PTPRN2: variants seen among roughly 807,000 people sequenced by gnomAD.
PTPRN2 encodes the protein protein tyrosine phosphatase receptor type N2, also known as receptor-type tyrosine-protein phosphatase N2.
PTPRN2 carries 74 observed loss-of-function variants against 118.8 expected under a neutral mutation model. The observed-to-expected ratio is 0.62, with a 90% CI of 0.52 to 0.76. The LOEUF (loss-of-function observed/expected upper bound fraction) is 0.76. Ranked by LOEUF, PTPRN2 falls within the 30% of genes least tolerant of loss-of-function variation. The pLI is 0.00. For missense variants in PTPRN2, 1,481 were observed against 1,394.4 expected, an observed-to-expected ratio of 1.06 and a Z score of -0.99; for synonymous variants, 641 against 608.0, an observed-to-expected ratio of 1.05 and a Z score of -0.80.
At chr7:157,562,711 CCCGCGTCA>C (rs1799254170) in intron 21 of PTPRN2, among the ~76,000 whole-genome samples, 1 of 148,590 alleles carries the variant, frequency 6.7e-6, no homozygotes, top group African/African-American at 2.5e-5. Flanking sequence ...ACCACATGCT[CCCGCGTCA>C]CCACACACAG....
intron 11 of PTPRN2, among the ~76,000 whole-genome samples, chr7:157,952,320 G>T (rs1800865835): frequency 6.6e-6 from 1 of 150,796 alleles, no homozygotes; most frequent in Non-Finnish European, 1.5e-5. Context: ...CTGGGGTAGT[G>T]TGCACGCCTG....
At chr7:157,988,718 T>C (rs1240285947) in intron 11 of PTPRN2, among the ~76,000 whole-genome samples, 2 of 152,158 alleles carry the variant, frequency 1.3e-5, no homozygotes, top group Admixed American at 6.5e-5. Context: ...GTCATGCACG[T>C]CCACACTTTC....
chr7:157,546,643 GT>G (rs1798333852), intron 22 of PTPRN2, among the ~76,000 whole-genome samples: 1 of 152,222 alleles, frequency 6.6e-6, no homozygotes, highest in African/African-American at 2.4e-5. Flanking sequence ...CTTCCATGGT[GT>G]ATATGTGCCA....
intron 11 of PTPRN2, among the ~76,000 whole-genome samples, chr7:157,980,593 C>T (rs1335868490): frequency 6.6e-6 from 1 of 152,020 alleles, no homozygotes; most frequent in Non-Finnish European, 1.5e-5. Context: ...TCTACTAAAA[C>T]TATAAAAATT....
intron 2 of PTPRN2, among the ~76,000 whole-genome samples, chr7:158,341,272 A>C (rs1347253938): frequency 2.6e-5 from 1 of 39,096 alleles, no homozygotes; most frequent in African/African-American, 6.3e-5. Context: ...ATTCACACCC[A>C]CACTCTCACC....
chr7:158,336,853 C>A (rs1231262055), intron 2 of PTPRN2, among the ~76,000 whole-genome samples: 1 of 103,988 alleles, frequency 9.6e-6, no homozygotes, highest in East Asian at 3.1e-4. Context: ...CCCACACTCT[C>A]ACCATAAGAG....
chr7:158,106,496 C>G (rs1815695791), intron 10 of PTPRN2, among the ~76,000 whole-genome samples: 1 of 152,222 alleles, frequency 6.6e-6, no homozygotes, highest in African/African-American at 2.4e-5. Flanking sequence ...CTCCGTGTAT[C>G]ATCTGGAAGA....
At chr7:158,264,397 G>A (rs184706815) in intron 3 of PTPRN2, among the ~76,000 whole-genome samples, 7 of 152,208 alleles carry the variant, frequency 4.6e-5, no homozygotes, top group Non-Finnish European at 1.0e-4. Flanking sequence ...CTCTTCCTGC[G>A]TGCTGGACAC....
chr7:157,951,607 G>T (rs939223395), intron 11 of PTPRN2, among the ~76,000 whole-genome samples: 4 of 152,226 alleles, frequency 2.6e-5, no homozygotes, highest in African/African-American at 9.6e-5. Flanking sequence ...GGGTGAAAAG[G>T]GAAACGCCTT....
chr7:158,407,263 G>C (rs13309521), intron 2 of PTPRN2, among the ~76,000 whole-genome samples: 557 of 29,188 alleles, frequency 0.019, 6 homozygotes, highest in African/African-American at 0.033. Context: ...CTGGGTCCTG[G>C]GTCCTGGGTC....
chr7:157,939,594 G>C (rs7795739), intron 11 of PTPRN2, among the ~76,000 whole-genome samples: 133,781 of 152,336 alleles, frequency 0.88, 58,858 homozygotes, highest in African/African-American at 0.9. Flanking sequence ...AACCCATAAT[G>C]TTGGGTTAGC....
intron 11 of PTPRN2, among the ~76,000 whole-genome samples, chr7:157,955,296 G>C (rs1801112652): frequency 1.3e-5 from 2 of 151,984 alleles, no homozygotes; most frequent in South Asian, 4.2e-4. Flanking sequence ...GTGGAGAAAA[G>C]CAATTCCAAG....
chr7:157,758,279 T>C (rs541027885), intron 12 of PTPRN2, among the ~76,000 whole-genome samples: 36 of 152,220 alleles, frequency 2.4e-4, no homozygotes, highest in Non-Finnish European at 3.7e-4. Context: ...TCCAGGCCTG[T>C]CCAGGCGCCA....
chr7:157,645,330 C>CT (rs748264218), intron 14 of PTPRN2, among the ~76,000 whole-genome samples: 1 of 152,198 alleles, frequency 6.6e-6, no homozygotes, highest in Non-Finnish European at 1.5e-5. Context: ...CCCTTCCCAC[C>CT]TACCAGCGGC....
chr7:157,570,404 G>T (rs1320845587), intron 20 of PTPRN2, among the ~76,000 whole-genome samples: 1 of 152,224 alleles, frequency 6.6e-6, no homozygotes, highest in Non-Finnish European at 1.5e-5. Flanking sequence ...TCATAGACAG[G>T]AATGCACACA....
intron 11 of PTPRN2, among the ~76,000 whole-genome samples, chr7:158,004,543 A>T (rs11531435): frequency 6.6e-6 from 1 of 152,102 alleles, no homozygotes; most frequent in Non-Finnish European, 1.5e-5. Context: ...GCTTGTTTAC[A>T]TTATATTTCT....
At chr7:158,516,710 G>T (rs1283549919) in intron 1 of PTPRN2, among the ~76,000 whole-genome samples, 1 of 151,556 alleles carries the variant, frequency 6.6e-6, no homozygotes, top group African/African-American at 2.4e-5. Context: ...TGTTCTTGGT[G>T]CTTCTGCCTT....
At chr7:157,896,570 T>G (rs1401732277) in intron 12 of PTPRN2, among the ~76,000 whole-genome samples, 1 of 151,222 alleles carries the variant, frequency 6.6e-6, no homozygotes, top group Non-Finnish European at 1.5e-5. Context: ...CATGCTCACG[T>G]GTGCGTGGGA....
intron 11 of PTPRN2, among the ~76,000 whole-genome samples, chr7:157,931,669 T>C (rs1369465464): frequency 2.6e-5 from 4 of 151,804 alleles, no homozygotes; most frequent in African/African-American, 9.7e-5. Flanking sequence ...GGCTCTTACA[T>C]GACGAGGGGA....
Sources: gnomAD v4.1 joint callset for allele counts (sites outside exome capture counted in the v4.1 genomes callset) on GRCh38, gnomAD v4.1.1 for gene constraint, MANE v1.5 for transcripts, NCBI Gene and HGNC (gene_info 2026-07-23, HGNC 2026-07-21) for gene names.